TG: variants seen among roughly 807,000 people sequenced by gnomAD.
TG encodes thyroid hormones.
Under a neutral mutation model 324.7 loss-of-function variants are expected in TG, and 270 were observed. The observed-to-expected ratio is 0.83, with a 90% CI of 0.75 to 0.92. The LOEUF is 0.92. Among genes scored for constraint, TG ranks in the 40% least tolerant of loss-of-function variants. The pLI is 0.00. For missense variants in TG, 3,591 were observed against 3,456.4 expected, an observed-to-expected ratio of 1.04 and a Z score of -0.98; for synonymous variants, 1,401 against 1,327.0, an observed-to-expected ratio of 1.06 and a Z score of -1.21.
rs548049342 is a variant in TG, at chr8:133,054,586, G to T, written c.7239+24563G>T. ...CTAATATTATTTTCATGGAGAGCGG[G>T]GTCACCAGACCATAACTCAAGACCA... On this transcript the variant is annotated intron_variant, in intron 41 of 47. Transcript: ENST00000220616. 7.9e-5 allele frequency among the ~76,000 whole-genome samples: 12 copies of T among 152,164 alleles called. No homozygotes were observed. In the East Asian group the frequency reaches 2.3e-3, roughly 29 times the overall value.
chr8:132,997,110 A>G (rs973384789), intron 35 of TG, among the ~76,000 whole-genome samples: 10 of 152,228 alleles, frequency 6.6e-5, no homozygotes, highest in South Asian at 2.1e-4. Context: ...AATGATATTT[A>G]TTCAGACTTT....
chr8:133,128,026 T>C (rs1318641599), intron 45 of TG, among the ~76,000 whole-genome samples: 5 of 152,142 alleles, frequency 3.3e-5, no homozygotes, highest in African/African-American at 7.2e-5. Context: ...GAATAAATGG[T>C]ATTTCATTTC....
chr8:132,990,919 T>TG (rs1210511510), intron 35 of TG, among the ~76,000 whole-genome samples: 1 of 150,628 alleles, frequency 6.6e-6, no homozygotes, highest in African/African-American at 2.4e-5. Context: ...AGGCCAGTTT[T>TG]TTTTTTTTTT....
intron 10 of TG, 25 bp downstream of exon 10, chr8:132,888,593 A>C: frequency 6.4e-7 from 1 of 1,559,298 alleles, no homozygotes; most frequent in Non-Finnish European, 8.7e-7. Flanking sequence ...ATGAAGAGTT[A>C]AATGTGTGTG....
At chr8:133,092,877 A>G (rs1847788419) in intron 41 of TG, among the ~76,000 whole-genome samples, 1 of 152,366 alleles carries the variant, frequency 6.6e-6, no homozygotes, top group East Asian at 1.9e-4. Flanking sequence ...TAAACAAAAT[A>G]CTTTAAGAGA....
intron 41 of TG, among the ~76,000 whole-genome samples, chr8:133,093,684 C>T (rs1847944883): frequency 6.6e-6 from 1 of 152,200 alleles, no homozygotes; most frequent in Non-Finnish European, 1.5e-5. Flanking sequence ...ACCCTAGCCA[C>T]ATGTCCCTTC....
chr8:133,113,357 G>T, intron 43 of TG, 65 bp from the exon 44 acceptor site: 1 of 1,587,728 alleles, frequency 6.3e-7, no homozygotes. Context: ...GCAAGGGTTT[G>T]AGGGACACTG....
At chr8:133,028,652 A>G (rs1181716420) in intron 40 of TG, among the ~76,000 whole-genome samples, 1 of 152,174 alleles carries the variant, frequency 6.6e-6, no homozygotes, top group Admixed American at 6.5e-5. Context: ...GATGGGGAAA[A>G]TCAAAGCACA....
chr8:133,011,821 G>A (rs1834532949), intron 35 of TG, 80 bp from the exon 36 acceptor site: 2 of 1,599,996 alleles, frequency 1.3e-6, no homozygotes, highest in Non-Finnish European at 1.7e-6. Context: ...CTGCCTTTGG[G>A]GATATTGGGT....
At chr8:132,967,029 CCCATCCACCCAT>C (rs1410423024) in intron 30 of TG, among the ~76,000 whole-genome samples, 4 of 134,124 alleles carry the variant, frequency 3.0e-5, no homozygotes, top group African/African-American at 1.4e-4. Flanking sequence ...ATCCTTCCAT[CCCATCCACCCAT>C]CCATCCATCC....
chr8:132,883,835 A>T (rs994276778), intron 8 of TG, among the ~76,000 whole-genome samples: 4 of 152,208 alleles, frequency 2.6e-5, no homozygotes, highest in African/African-American at 9.7e-5. Flanking sequence ...ATGGTAATAA[A>T]TCACCACAAA....
chr8:133,129,498 A>G (rs887347521), intron 45 of TG, among the ~76,000 whole-genome samples: 1 of 152,024 alleles, frequency 6.6e-6, no homozygotes, highest in African/African-American at 2.4e-5. Context: ...CAATTATTAA[A>G]CTTTTTTCTT....
At chr8:132,991,331 A>G (rs1286969555) in intron 35 of TG, among the ~76,000 whole-genome samples, 2 of 152,138 alleles carry the variant, frequency 1.3e-5, no homozygotes, top group Non-Finnish European at 2.9e-5. Flanking sequence ...AACGCTGTGC[A>G]CCAACCCAGG....
chr8:133,059,976 T>C, intron 41 of TG: 3 of 947,470 alleles, frequency 3.2e-6, no homozygotes, highest in Non-Finnish European at 4.6e-6. Context: ...GAGAGACAGA[T>C]ATAATGAGCC....
chr8:132,993,328 G>C (rs1832559742), intron 35 of TG, among the ~76,000 whole-genome samples: 1 of 152,158 alleles, frequency 6.6e-6, no homozygotes, highest in Non-Finnish European at 1.5e-5. Flanking sequence ...ATATGAGTTT[G>C]GGCAGCCAAG....
At chr8:132,880,508 T>C (rs1016426125) in intron 5 of TG, among the ~76,000 whole-genome samples, 1 of 152,236 alleles carries the variant, frequency 6.6e-6, no homozygotes, top group African/African-American at 2.4e-5. Context: ...TTTTTAATAT[T>C]TGTTATGCAA....
chr8:132,886,296 AAAT>A, intron 8 of TG, 149 bp from the exon 9 acceptor site: 1 of 1,178,596 alleles, frequency 8.5e-7, no homozygotes, highest in Non-Finnish European at 1.2e-6. Context: ...GGAAAGGAAA[AAAT>A]AAAATGACAC....
intron 16 of TG, among the ~76,000 whole-genome samples, chr8:132,904,335 C>T (rs1318369929): frequency 6.6e-6 from 1 of 152,238 alleles, no homozygotes; most frequent in Non-Finnish European, 1.5e-5. Context: ...CCAGGCGAGC[C>T]ACTTAGCTCC....
chr8:132,886,168 G>C (rs914839146), intron 8 of TG, among the ~76,000 whole-genome samples: 3 of 152,134 alleles, frequency 2.0e-5, no homozygotes, highest in South Asian at 2.1e-4. Context: ...TTCAGAAAGT[G>C]AGCCAGTATT....
Sources: gnomAD v4.1 joint callset for allele counts (sites outside exome capture counted in the v4.1 genomes callset) on GRCh38, gnomAD v4.1.1 for gene constraint, MANE v1.5 for transcripts, NCBI Gene and HGNC (gene_info 2026-07-23, HGNC 2026-07-21) for gene names.